URM1: variants seen among roughly 807,000 people sequenced by gnomAD.
The protein encoded by URM1 is ubiquitin-related modifier 1.
A neutral mutation model predicts 17.7 loss-of-function variants in URM1; 11 were observed. The ratio of observed to expected loss-of-function variants is 0.62; its 90% CI spans 0.39 to 1.03. The LOEUF (loss-of-function observed/expected upper bound fraction) is 1.03, where lower values mean the gene tolerates loss of function less well. Ranked by LOEUF, URM1 falls within the 50% of genes least tolerant of loss-of-function variation. The pLI is 0.00. For synonymous variants in URM1, 48 were observed against 50.6 expected (o/e 0.95, Z 0.22); for missense variants, 128 against 129.2 (o/e 0.99, Z 0.04).
At chr9:128,383,399 C>G (rs1192337441) in intron 2 of URM1, among the ~76,000 whole-genome samples, 1 of 152,138 alleles carries the variant, frequency 6.6e-6, no homozygotes, top group East Asian at 1.9e-4. Context: ...CCAGCTCTTT[C>G]TTTTCCCTTT....
chr9:128,388,868 C>G, intron 3 of URM1: 1 of 1,012,204 alleles, frequency 9.9e-7, no homozygotes, highest in Non-Finnish European at 1.2e-6. Flanking sequence ...TGGAAAAGTC[C>G]TACTAATGGT....
intron 2 of URM1, among the ~76,000 whole-genome samples, chr9:128,381,827 C>T (rs894550034): frequency 3.3e-5 from 5 of 152,246 alleles, no homozygotes; most frequent in African/African-American, 1.2e-4. Context: ...AGAGTCCTGG[C>T]GCTTTGCCAC....
intron 1 of URM1, 134 bp from the exon 2 acceptor site, chr9:128,377,902 A>G (rs531081825): frequency 3.6e-5 from 29 of 807,034 alleles, no homozygotes; most frequent in Middle Eastern, 2.2e-4. Context: ...ACTGCACCCA[A>G]GGTGTTTCTG....
At chr9:128,381,412 C>T (rs1202668922) in intron 2 of URM1, among the ~76,000 whole-genome samples, 2 of 152,100 alleles carry the variant, frequency 1.3e-5, no homozygotes, top group Non-Finnish European at 2.9e-5. Context: ...GGTAACATAC[C>T]AAGGCCAGGT....
intron 2 of URM1, among the ~76,000 whole-genome samples, chr9:128,381,046 G>C (rs1053611280): frequency 6.6e-6 from 1 of 151,930 alleles, no homozygotes; most frequent in Non-Finnish European, 1.5e-5. Flanking sequence ...GGATGGTCTC[G>C]ATCTCCTGAC....
chr9:128,377,036 C>T (rs1564409972), intron 1 of URM1, among the ~76,000 whole-genome samples: 1 of 152,084 alleles, frequency 6.6e-6, no homozygotes, highest in South Asian at 2.1e-4. Flanking sequence ...ATAATAATTA[C>T]ATAGAGACAG....
chr9:128,374,673 G>T (rs538732436), intron 1 of URM1, among the ~76,000 whole-genome samples: 1 of 152,198 alleles, frequency 6.6e-6, no homozygotes, highest in Admixed American at 6.5e-5. Flanking sequence ...GCCTCCCAGC[G>T]GGCTGTCTCA....
chr9:128,384,433 C>A (rs145386642), intron 2 of URM1, among the ~76,000 whole-genome samples: 82 of 152,330 alleles, frequency 5.4e-4, no homozygotes, highest in Admixed American at 1.0e-3. Flanking sequence ...GTTCAAACAT[C>A]TAACACAGAA....
intron 1 of URM1, among the ~76,000 whole-genome samples, chr9:128,373,989 A>G (rs1833044868): frequency 6.6e-6 from 1 of 152,258 alleles, no homozygotes; most frequent in Non-Finnish European, 1.5e-5. Context: ...TTTTGAGAAT[A>G]TCTATACCTG....
chr9:128,379,987 C>T (rs1485367078), intron 2 of URM1, among the ~76,000 whole-genome samples: 1 of 152,000 alleles, frequency 6.6e-6, no homozygotes, highest in African/African-American at 2.4e-5. Context: ...GTGGCATGCA[C>T]CTGTGTTCCT....
rs1833279979 is a variant in URM1, at chr9:128,389,698, C to G, written c.270C>G (p.Asp90Glu). ...TGGACTACCAGCTTCAGGACCAGGA[C>G]AGCGTCCTCTTCATCTCCACTCTGC... The part of the protein sequence containing the change: ...GELDYQLQDQ[D>E]SVLFISTLHG... Residue 90 changes from aspartate to glutamate, a missense_variant, in exon 5 of 5, where the codon GAC becomes GAG. Coordinates refer to ENST00000372853, the MANE Select transcript of URM1 (RefSeq NM_030914.4). 1.2e-6 allele frequency: 2 copies of G among 1,613,448 alleles called. No individual in the cohort carries two copies. The highest frequency in any genetic ancestry group is 1.7e-5 in the Admixed American group (1 of 60,006).
At chr9:128,388,866 T>A (rs1329758998) in intron 3 of URM1, 1 of 1,010,204 alleles carries the variant, frequency 9.9e-7, no homozygotes, top group East Asian at 9.9e-5. Flanking sequence ...CCTGGAAAAG[T>A]CCTACTAATG....
Position 128,390,057 on chromosome 9 carries a change from C to G in URM1, c.*323C>G. On this transcript the variant is annotated 3_prime_UTR_variant, in exon 5 of 5. Transcript: ENST00000372853. ...ACCTGGCTGCCTTCCACTCCTTGTACCTCAGTCTAAACATGGAGTGGCCGC... is the reference window on the plus strand; with the variant it reads ...ACCTGGCTGCCTTCCACTCCTTGTAGCTCAGTCTAAACATGGAGTGGCCGC... 2.5e-6 allele frequency: 1 copy of G among 405,586 alleles called. No homozygotes were observed. Among genetic ancestry groups the G allele is most frequent in the East Asian group, 4.6e-5 (1 of 21,760 alleles). 25.1% of individuals were successfully genotyped at this position (405,586 alleles called of 1,614,324 possible).
At chr9:128,380,072 A>G (rs1833138705) in intron 2 of URM1, among the ~76,000 whole-genome samples, 1 of 152,166 alleles carries the variant, frequency 6.6e-6, no homozygotes. Flanking sequence ...ATGATCACAC[A>G]CTGTTCTTCA....
chr9:128,371,388 C>G lies in URM1; in HGVS notation c.8C>G (p.Ala3Gly). MA[A>G]PLSVEVEFGG... ...GAGCTCGGCTTCCTCAACATGGCTGCGCCCTTGTCAGTGGAGGTGGAGTTC... is the reference window on the plus strand; with the variant it reads ...GAGCTCGGCTTCCTCAACATGGCTGGGCCCTTGTCAGTGGAGGTGGAGTTC... The change falls in exon 1 of 5, where the codon GCG (alanine) becomes GGG (glycine). Residue 3 changes from alanine (A) to glycine (G), a missense_variant. Coordinates refer to ENST00000372853, the MANE Select transcript of URM1 (RefSeq NM_030914.4). The G allele has an allele frequency of 6.2e-7, 1 of 1,612,818 alleles. No individual in the cohort carries two copies. Among genetic ancestry groups the G allele is most frequent in the East Asian group, 2.2e-5 (1 of 44,690 alleles).
At chr9:128,378,716 G>A (rs1833114648) in intron 2 of URM1, among the ~76,000 whole-genome samples, 1 of 151,436 alleles carries the variant, frequency 6.6e-6, no homozygotes, top group Non-Finnish European at 1.5e-5. Context: ...GCACTTTGGG[G>A]GGCCGAGGCG....
At chr9:128,373,807 C>G (rs1215867335) in intron 1 of URM1, among the ~76,000 whole-genome samples, 1 of 152,160 alleles carries the variant, frequency 6.6e-6, no homozygotes, top group Non-Finnish European at 1.5e-5. Context: ...ATTTCCTTTC[C>G]TTTAGCAGAT....
At chr9:128,388,282 T>G in intron 3 of URM1, 1 of 1,068,552 alleles carries the variant, frequency 9.4e-7, no homozygotes, top group Non-Finnish European at 1.1e-6. Flanking sequence ...TCATTGTAAT[T>G]TAAATAGCCA....
Position 128,389,652 on chromosome 9 carries a change from C to T in URM1, c.238-14C>T, listed in dbSNP as rs2131302706. The T allele has an allele frequency of 1.2e-6, 2 of 1,613,456 alleles. No homozygotes were observed. Among genetic ancestry groups the T allele is most frequent in the Non-Finnish European group, 1.7e-6 (2 of 1,179,944 alleles). On this transcript the variant is annotated splice_polypyrimidine_tract_variant and intron_variant, in intron 4 of 4. Transcript: ENST00000372853. ...GGCCCTGAGGGTCTCCCGCTCCCCT[C>T]TCTCCCGCACCAGGGTGAGCTGGAC... is the stretch of plus-strand genomic sequence containing the variant.
Sources: allele counts gnomAD v4.1 joint callset (sites outside exome capture counted in the v4.1 genomes callset), GRCh38; gene constraint gnomAD v4.1.1; transcripts MANE v1.5; gene names NCBI Gene and HGNC (gene_info 2026-07-23, HGNC 2026-07-21).